The following DLG2 variants were observed in gnomAD, a reference collection of about 807,000 sequenced individuals.
DLG2 encodes discs large MAGUK scaffold protein 2, also known as disks large homolog 2.
Under a neutral mutation model 132.5 loss-of-function variants are expected in DLG2, and 45 were observed. The ratio of observed to expected loss-of-function variants is 0.34; its 90% CI spans 0.27 to 0.44. DLG2 has a LOEUF of 0.44. Among genes scored for constraint, DLG2 ranks in the 20% least tolerant of loss-of-function variants. DLG2 has a pLI of 1.00. For missense variants in DLG2, 1,045 were observed against 1,196.9 expected (o/e 0.87, Z 1.87); for synonymous variants, 424 against 419.6 (o/e 1.01, Z -0.13).
At chr11:83,841,912 C>G (rs1479186948) in intron 16 of DLG2, among the ~76,000 whole-genome samples, 1 of 152,056 alleles carries the variant, frequency 6.6e-6, no homozygotes, top group African/African-American at 2.4e-5. Context: ...CTTATAGAAG[C>G]CTAGGAAGTG....
rs71066046 is a variant in DLG2, at chr11:83,520,639, G to GTAGA, written c.2193+12065_2193+12068dup. ...GACAGGTAGGTAGATAGGTAGGTAG[G>GTAGA]TAGATAGATAGATAGATAGATAGAT... On this transcript the variant is annotated intron_variant, in intron 21 of 27. Transcript: ENST00000376104. 4.4e-3 allele frequency among the ~76,000 whole-genome samples: 650 copies of GTAGA among 148,064 alleles called. 6 individuals carry two copies. Among genetic ancestry groups the GTAGA allele is most frequent in the African/African-American group, 7.4e-3 (299 of 40,136 alleles).
intron 3 of DLG2, among the ~76,000 whole-genome samples, chr11:85,468,586 G>A (rs540810735): frequency 6.6e-6 from 1 of 152,310 alleles, no homozygotes; most frequent in African/African-American, 2.4e-5. Flanking sequence ...AGTCACACAG[G>A]AGCAGGTTGT....
At chr11:85,350,429 A>C (rs1180240014) in intron 3 of DLG2, among the ~76,000 whole-genome samples, 2 of 151,988 alleles carry the variant, frequency 1.3e-5, no homozygotes, top group East Asian at 1.9e-4. Flanking sequence ...CCCATTTGTC[A>C]ATTTTAGCTT....
chr11:84,244,837 G>T (rs2097281585), intron 8 of DLG2, among the ~76,000 whole-genome samples: 1 of 152,170 alleles, frequency 6.6e-6, no homozygotes, highest in South Asian at 2.1e-4. Context: ...TCACTGCCAG[G>T]ATGGTTCAAA....
chr11:83,951,120 A>C (rs2085305330), intron 14 of DLG2, among the ~76,000 whole-genome samples: 1 of 152,198 alleles, frequency 6.6e-6, no homozygotes, highest in Non-Finnish European at 1.5e-5. Flanking sequence ...TAAGCATTTA[A>C]ATTAGATACA....
chr11:83,637,844 A>G (rs1367570894), intron 18 of DLG2, among the ~76,000 whole-genome samples: 2 of 152,136 alleles, frequency 1.3e-5, no homozygotes, highest in African/African-American at 4.8e-5. Flanking sequence ...CTATCATTCT[A>G]CCTTCTGTAT....
chr11:85,523,210 TC>T (rs2074455982), intron 3 of DLG2, among the ~76,000 whole-genome samples: 1 of 152,190 alleles, frequency 6.6e-6, no homozygotes, highest in Non-Finnish European at 1.5e-5. Context: ...CCCACTTCAC[TC>T]TGTACTTCTC....
chr11:83,663,459 C>A (rs1259648153), intron 18 of DLG2, among the ~76,000 whole-genome samples: 1 of 152,178 alleles, frequency 6.6e-6, no homozygotes, highest in African/African-American at 2.4e-5. Flanking sequence ...GACATTCATT[C>A]CCAAGACAAG....
intron 19 of DLG2, among the ~76,000 whole-genome samples, chr11:83,549,185 A>T (rs1344417169): frequency 6.6e-6 from 1 of 152,110 alleles, no homozygotes; most frequent in Admixed American, 6.6e-5. Context: ...TAGCAACGGA[A>T]AATAAAGTCT....
chr11:84,325,417 T>A (rs7113310), intron 7 of DLG2, among the ~76,000 whole-genome samples: 3,153 of 152,084 alleles, frequency 0.021, 60 homozygotes, highest in East Asian at 0.061. Flanking sequence ...TGTGTCCATG[T>A]GTTCTCTTTG....
rs146615015 is a variant in DLG2 at position 85,104,348 on chromosome 11, T to C, written c.357+7313A>G. Among the ~76,000 whole-genome samples the C allele has an allele frequency of 1.8e-3, 274 of 152,016 alleles. 3 individuals are homozygous for C. The highest frequency in any genetic ancestry group is 3.4e-3 in the Middle Eastern group (1 of 294). ...TGATGAATGGATAAACAAAATATGG[T>C]ATACTCATACAATGAAATATTATTC... On this transcript the variant is annotated intron_variant, in intron 6 of 27. Coordinates refer to ENST00000376104, the MANE Select transcript of DLG2 (RefSeq NM_001142699.3).
chr11:84,163,383 A>G lies in DLG2; in HGVS notation c.624+78T>C, dbSNP rs1249602400. On this transcript the variant is annotated intron_variant, in intron 9 of 27. Transcript: ENST00000376104. ...TTATAAAACACAATTGTATAATTTC[A>G]CAAGACAACTCATTAAGATTAGAAT... 5 of 1,321,464 alleles carry G rather than the reference A, an allele frequency of 3.8e-6. No individual in the cohort carries two copies. In the African/African-American group the frequency reaches 7.6e-5, roughly 20 times the overall value. 81.9% of individuals were successfully genotyped at this position (1,321,464 alleles called of 1,614,324 possible).
intron 7 of DLG2, among the ~76,000 whole-genome samples, chr11:84,401,234 G>A (rs1204143081): frequency 6.6e-6 from 1 of 152,158 alleles, no homozygotes; most frequent in African/African-American, 2.4e-5. Flanking sequence ...AAAGAAGACT[G>A]TAAGTTCTTC....
chr11:85,060,068 C>T (rs961991823), intron 6 of DLG2, among the ~76,000 whole-genome samples: 4 of 151,478 alleles, frequency 2.6e-5, no homozygotes, highest in Non-Finnish European at 4.4e-5. Context: ...GCATGACAAA[C>T]TTTACATCCA....
At chr11:84,014,415 T>C (rs1383166892) in intron 11 of DLG2, among the ~76,000 whole-genome samples, 1 of 152,160 alleles carries the variant, frequency 6.6e-6, no homozygotes, top group Non-Finnish European at 1.5e-5. Flanking sequence ...TTGAGACCCA[T>C]GGCGACCATT....
chr11:85,204,479 G>A (rs2081719060), intron 4 of DLG2, among the ~76,000 whole-genome samples: 1 of 151,934 alleles, frequency 6.6e-6, no homozygotes, highest in South Asian at 2.1e-4. Flanking sequence ...TTTAACCAAA[G>A]AAGTGAAAGA....
rs535408129 is a variant in DLG2, at chr11:83,550,544, T to C, written c.1941-8686A>G. 2.6e-5 allele frequency among the ~76,000 whole-genome samples: 4 copies of C among 152,294 alleles called. No homozygotes were observed. The South Asian group carries it at 8.3e-4, about 32-fold the overall frequency. ...TATCTGAGGGAAACAGAGGCAAATCTGAACCTGCGCAGAGCCAGAACTCAC... is the reference window on the plus strand; with the variant it reads ...TATCTGAGGGAAACAGAGGCAAATCCGAACCTGCGCAGAGCCAGAACTCAC... On this transcript the variant is annotated intron_variant, in intron 19 of 27. Transcript: ENST00000376104.
rs375838699 is a variant in DLG2 at position 85,429,018 on chromosome 11, G to C, written c.41-143653C>G. Reference sequence around the variant, plus strand: ...TAAACACCTCTATGCAACTAAACTAGAAAATCTAGAAGAAATGGCTAAATT... The same window carrying C: ...TAAACACCTCTATGCAACTAAACTACAAAATCTAGAAGAAATGGCTAAATT... On this transcript the variant is annotated intron_variant, in intron 3 of 27. Transcript: ENST00000376104. Among the ~76,000 whole-genome samples the C allele has an allele frequency of 2.8e-4, 42 of 152,208 alleles. 1 individual carries two copies. The East Asian group carries it at 5.6e-3, about 20-fold the overall frequency.
At chr11:84,302,144 A>G (rs1401469847) in intron 7 of DLG2, among the ~76,000 whole-genome samples, 1 of 152,190 alleles carries the variant, frequency 6.6e-6, no homozygotes, top group East Asian at 1.9e-4. Context: ...TGGGAGCTGA[A>G]CAATGAGAAC....
Sources: gnomAD v4.1 joint callset for allele counts (sites outside exome capture counted in the v4.1 genomes callset) on GRCh38, gnomAD v4.1.1 for gene constraint, MANE v1.5 for transcripts, NCBI Gene and HGNC (gene_info 2026-07-23, HGNC 2026-07-21) for gene names.